Variants in CMC1 observed in about 807,000 individuals in gnomAD.
CMC1 encodes the protein C-X9-C motif containing 1.
A neutral mutation model predicts 14.1 loss-of-function variants in CMC1; 14 were observed. That is an observed-to-expected ratio of 0.99 (90% confidence interval 0.66 to 1.55). The LOEUF (loss-of-function observed/expected upper bound fraction) is 1.55. Among genes scored for constraint, CMC1 ranks in the 40% most tolerant of loss-of-function variants. The pLI is 0.00. For missense variants in CMC1, 127 were observed against 123.8 expected (o/e 1.03, Z -0.12); for synonymous variants, 50 against 38.4 (o/e 1.30, Z -1.12).
chr3:28,277,195 G>A (rs1225687307), intron 2 of CMC1, among the ~76,000 whole-genome samples: 1 of 152,154 alleles, frequency 6.6e-6, no homozygotes, highest in African/African-American at 2.4e-5. Flanking sequence ...AAAGGTGATA[G>A]AGATTTTATT....
At position 28,323,192 on chromosome 3, in the gene CMC1, T is replaced by A. The variant is rs996056877; in HGVS notation, c.*3563T>A. The A allele has an allele frequency of 3.3e-5, 5 of 151,070 alleles. No homozygotes were observed. The highest frequency in any genetic ancestry group is 7.4e-5 in the Non-Finnish European group (5 of 67,318). 9.4% of individuals were successfully genotyped at this position (151,070 alleles called of 1,614,324 possible). On this transcript the variant is annotated 3_prime_UTR_variant, in exon 4 of 4. Transcript: ENST00000466830. ...AATGTGCAGCTAGCTGTAGTCTCTT[T>A]GAAGAAAATGACTTTTTATCATTAC...
intron 1 of CMC1, among the ~76,000 whole-genome samples, chr3:28,261,123 A>T (rs1699714533): frequency 6.6e-6 from 1 of 152,150 alleles, no homozygotes; most frequent in African/African-American, 2.4e-5. Context: ...ACGAACTTAA[A>T]TATATGTTTT....
intron 1 of CMC1, among the ~76,000 whole-genome samples, chr3:28,248,003 A>G (rs986628674): frequency 2.0e-5 from 3 of 151,792 alleles, no homozygotes; most frequent in Non-Finnish European, 2.9e-5. Context: ...GATTGCCACC[A>G]CCTCCAGTTA....
Position 28,259,572 on chromosome 3 carries a change from A to T in CMC1, c.20-3719A>T, listed in dbSNP as rs112699999. ...TCGAATTTCACCACTTTTTACATGC[A>T]TTTTTTTTGTTGTTCTGTAATTATA... On this transcript the variant is annotated intron_variant, in intron 1 of 3. Coordinates refer to ENST00000466830, the MANE Select transcript of CMC1 (RefSeq NM_182523.2). Among the ~76,000 whole-genome samples the T allele has an allele frequency of 5.7e-3, 868 of 151,846 alleles. 14 individuals are homozygous for T. Among genetic ancestry groups the T allele is most frequent in the African/African-American group, 0.02 (820 of 41,426 alleles).
At chr3:28,272,508 C>T (rs1051629488) in intron 2 of CMC1, among the ~76,000 whole-genome samples, 6 of 151,956 alleles carry the variant, frequency 3.9e-5, no homozygotes, top group Admixed American at 2.6e-4. Flanking sequence ...GTTCTGTTTA[C>T]GTAATGAATT....
chr3:28,262,426 C>T (rs980078139), intron 1 of CMC1, among the ~76,000 whole-genome samples: 21 of 151,980 alleles, frequency 1.4e-4, no homozygotes, highest in African/African-American at 3.9e-4. Flanking sequence ...TTTTTTCACC[C>T]GTGGCCTGAA....
intron 3 of CMC1, 73 bp from the exon 4 acceptor site, chr3:28,319,436 G>A: frequency 1.6e-6 from 2 of 1,276,358 alleles, no homozygotes; most frequent in Non-Finnish European, 2.3e-6. Flanking sequence ...CTGAATATTA[G>A]TAATTAAAGT....
At chr3:28,305,181 C>T (rs183225744) in intron 2 of CMC1, among the ~76,000 whole-genome samples, 3 of 152,234 alleles carry the variant, frequency 2.0e-5, no homozygotes, top group African/African-American at 4.8e-5. Context: ...TGACAACATG[C>T]GGTATTTGTC....
At chr3:28,246,028 C>T (rs1460338141) in intron 1 of CMC1, among the ~76,000 whole-genome samples, 1 of 151,966 alleles carries the variant, frequency 6.6e-6, no homozygotes, top group East Asian at 1.9e-4. Flanking sequence ...CACTTGAACT[C>T]CTGGGCTCAA....
chr3:28,284,386 G>T (rs1701060342), intron 2 of CMC1, among the ~76,000 whole-genome samples: 1 of 152,116 alleles, frequency 6.6e-6, no homozygotes, highest in Non-Finnish European at 1.5e-5. Context: ...ATGTGTATTG[G>T]ATCCTCATCT....
intron 2 of CMC1, among the ~76,000 whole-genome samples, chr3:28,306,935 C>T (rs993787641): frequency 1.3e-5 from 2 of 152,146 alleles, no homozygotes; most frequent in African/African-American, 4.8e-5. Context: ...TGTGAGCCAC[C>T]ATGCCCAGCC....
intron 2 of CMC1, among the ~76,000 whole-genome samples, chr3:28,267,324 AT>A (rs767093092): frequency 1.3e-5 from 2 of 152,146 alleles, no homozygotes; most frequent in Non-Finnish European, 2.9e-5. Context: ...CATAGTTGAC[AT>A]TTGCTATAAA....
Position 28,324,572 on chromosome 3 carries a change from G to C in CMC1, c.*4943G>C. The C allele has an allele frequency of 1.0e-6, 1 of 955,460 alleles. No individual in the cohort carries two copies. The highest frequency in any genetic ancestry group is 2.7e-5 in the East Asian group (1 of 36,548). 59.2% of individuals were successfully genotyped at this position (955,460 alleles called of 1,614,324 possible). A position where few individuals can be genotyped will look rare whatever the true frequency, so the allele number is the denominator to read the frequency against. On this transcript the variant is annotated 3_prime_UTR_variant, in exon 4 of 4. Coordinates refer to ENST00000466830, the MANE Select transcript of CMC1 (RefSeq NM_182523.2). ...TGATGAAATTAAGATTTCCAAGTTAGTGTGATCATTGAGGCACTGTGACTA... is the reference window on the plus strand; with the variant it reads ...TGATGAAATTAAGATTTCCAAGTTACTGTGATCATTGAGGCACTGTGACTA...
At position 28,324,469 on chromosome 3, in the gene CMC1, C is replaced by T. The variant is rs369262666; in HGVS notation, c.*4840C>T. ...AGGGGCACAGGCTAAAAAGAAAACA[C>T]AGACTAAATGTCAGTTTTCATTACA... On this transcript the variant is annotated 3_prime_UTR_variant, in exon 4 of 4. Transcript: ENST00000466830. The T allele has an allele frequency of 3.2e-5, 47 of 1,450,288 alleles. No individual in the cohort carries two copies. The highest frequency in any genetic ancestry group is 4.2e-5 in the Non-Finnish European group (46 of 1,094,858). The allele number at this position is 1,450,288 out of a possible 1,614,324, so 89.8% of individuals were successfully genotyped here. A position where few individuals can be genotyped will look rare whatever the true frequency, so the allele number is the denominator to read the frequency against.
intron 1 of CMC1, among the ~76,000 whole-genome samples, chr3:28,247,493 T>C (rs1015631836): frequency 1.2e-4 from 18 of 152,102 alleles, no homozygotes; most frequent in Admixed American, 2.6e-4. Flanking sequence ...TTTTCAGTCA[T>C]TGGTTACTGT....
At chr3:28,256,592 A>ATTCT (rs1436810663) in intron 1 of CMC1, among the ~76,000 whole-genome samples, 17 of 152,178 alleles carry the variant, frequency 1.1e-4, no homozygotes, top group African/African-American at 4.1e-4. Flanking sequence ...AACTGAGAAT[A>ATTCT]ATCTTTGTTT....
chr3:28,277,324 C>T (rs958859407), intron 2 of CMC1, among the ~76,000 whole-genome samples: 1 of 152,068 alleles, frequency 6.6e-6, no homozygotes, highest in African/African-American at 2.4e-5. Flanking sequence ...TATTACATCA[C>T]TAAAAATATA....
chr3:28,264,362 C>A (rs1400763433), intron 2 of CMC1, among the ~76,000 whole-genome samples: 1 of 152,138 alleles, frequency 6.6e-6, no homozygotes, highest in Non-Finnish European at 1.5e-5. Flanking sequence ...CCTTCCCTGT[C>A]CTCTGCCCTT....
chr3:28,296,956 C>A (rs1701769504), intron 2 of CMC1: 1 of 152,158 alleles, frequency 6.6e-6, no homozygotes, highest in East Asian at 1.9e-4. Context: ...TGAGCCCTTC[C>A]ACCTTCAAAC....
Sources: gnomAD v4.1 joint callset for allele counts (sites outside exome capture counted in the v4.1 genomes callset) on GRCh38, gnomAD v4.1.1 for gene constraint, MANE v1.5 for transcripts, NCBI Gene and HGNC (gene_info 2026-07-23, HGNC 2026-07-21) for gene names.